CCDC85A: variants seen among roughly 807,000 people sequenced by gnomAD.
CCDC85A encodes coiled-coil domain containing 85A.
A neutral mutation model predicts 50.2 loss-of-function variants in CCDC85A; 38 were observed. The ratio of observed to expected loss-of-function variants is 0.76; its 90% CI spans 0.58 to 0.99. The LOEUF is 0.99. CCDC85A is among the 50% of genes least tolerant of loss of function. The probability of loss-of-function intolerance (pLI) is 0.00; values close to 1 mark genes in which losing one functional copy is unlikely to be tolerated. For synonymous variants in CCDC85A, 366 were observed against 301.4 expected (o/e 1.21, Z -2.22); for missense variants, 820 against 742.0 (o/e 1.11, Z -1.22).
intron 2 of CCDC85A, among the ~76,000 whole-genome samples, chr2:56,223,045 G>T (rs1221967636): frequency 1.3e-5 from 2 of 152,076 alleles, no homozygotes; most frequent in African/African-American, 4.8e-5. Context: ...CTATTGGTAG[G>T]ATATGAAAAA....
intron 1 of CCDC85A, among the ~76,000 whole-genome samples, chr2:56,188,205 T>G (rs1233506286): frequency 6.6e-6 from 1 of 152,230 alleles, no homozygotes; most frequent in Non-Finnish European, 1.5e-5. Context: ...TGAGGCAGAT[T>G]TGAAGAAGCT....
chr2:56,371,410 T>A (rs943366411), intron 3 of CCDC85A, among the ~76,000 whole-genome samples: 17 of 152,120 alleles, frequency 1.1e-4, no homozygotes, highest in Non-Finnish European at 1.6e-4. Flanking sequence ...TTGATGAGAA[T>A]TAAAATTTTA....
intron 1 of CCDC85A, among the ~76,000 whole-genome samples, chr2:56,185,122 G>A (rs1458718780): frequency 7.9e-6 from 1 of 126,164 alleles, no homozygotes; most frequent in Non-Finnish European, 1.8e-5. Flanking sequence ...CCACTGTCTG[G>A]CTGTTCGGGG....
chr2:56,375,921 G>T lies in CCDC85A; in HGVS notation c.1558G>T (p.Val520Leu), dbSNP rs1469807482. The change falls in exon 5 of 6, where the codon GTA (valine) becomes TTA (leucine). Residue 520 changes from valine (V) to leucine (L), a missense_variant. Physicochemically the swap from Val to Leu is conservative, Grantham distance 32. Coordinates refer to ENST00000407595, the MANE Select transcript of CCDC85A (RefSeq NM_001080433.2). ...ACCTTCCCAGCAGCCTGAACCTGTG[G>T]TACATTCTCTTAAGGTAACCAATCG... The part of the protein sequence containing the change: ...ATPSQQPEPV[V>L]HSLKVVWRKL... 1.9e-6 allele frequency: 3 copies of T among 1,613,454 alleles called. No individual in the cohort carries two copies. Among genetic ancestry groups the T allele is most frequent in the Non-Finnish European group, 2.5e-6 (3 of 1,179,720 alleles).
intron 2 of CCDC85A, among the ~76,000 whole-genome samples, chr2:56,264,565 G>T (rs986425088): frequency 6.6e-6 from 1 of 152,114 alleles, no homozygotes; most frequent in Non-Finnish European, 1.5e-5. Context: ...ACCATCATTT[G>T]TCTCCTGCAT....
At chr2:56,261,929 A>G (rs184692679) in intron 2 of CCDC85A, among the ~76,000 whole-genome samples, 2 of 152,270 alleles carry the variant, frequency 1.3e-5, no homozygotes, top group African/African-American at 2.4e-5. Flanking sequence ...CTCTTCCTCA[A>G]CCACCTTCTT....
At chr2:56,233,274 G>A (rs773998514) in intron 2 of CCDC85A, among the ~76,000 whole-genome samples, 3 of 138,598 alleles carry the variant, frequency 2.2e-5, no homozygotes, top group Non-Finnish European at 4.4e-5. Flanking sequence ...TACATAACAG[G>A]GGACTGAGGG....
At chr2:56,367,342 A>G (rs1335007846) in intron 3 of CCDC85A, among the ~76,000 whole-genome samples, 1 of 152,090 alleles carries the variant, frequency 6.6e-6, no homozygotes, top group Non-Finnish European at 1.5e-5. Context: ...CTGCCTTTAT[A>G]CTTAGACCAT....
chr2:56,362,659 C>G (rs770889060), intron 3 of CCDC85A, among the ~76,000 whole-genome samples: 4 of 152,014 alleles, frequency 2.6e-5, no homozygotes, highest in Non-Finnish European at 4.4e-5. Flanking sequence ...CGCTCTGTCA[C>G]CCAGGCTGGA....
At chr2:56,254,510 A>G (rs1259614060) in intron 2 of CCDC85A, among the ~76,000 whole-genome samples, 1 of 152,230 alleles carries the variant, frequency 6.6e-6, no homozygotes, top group Non-Finnish European at 1.5e-5. Flanking sequence ...TAGACATGGC[A>G]GAAACAAAAA....
intron 2 of CCDC85A, among the ~76,000 whole-genome samples, chr2:56,305,939 C>G (rs1672424205): frequency 6.6e-6 from 1 of 152,182 alleles, no homozygotes; most frequent in African/African-American, 2.4e-5. Flanking sequence ...TTTAATTGAA[C>G]TATAAATTCA....
chr2:56,318,359 T>C (rs1297393054), intron 2 of CCDC85A, among the ~76,000 whole-genome samples: 1 of 152,042 alleles, frequency 6.6e-6, no homozygotes, highest in Non-Finnish European at 1.5e-5. Context: ...GTGCATGAGC[T>C]GTTGCTTCAG....
intron 2 of CCDC85A, among the ~76,000 whole-genome samples, chr2:56,319,332 G>C (rs1304163996): frequency 1.3e-5 from 2 of 152,146 alleles, no homozygotes; most frequent in Non-Finnish European, 2.9e-5. Flanking sequence ...AACCCAGGCA[G>C]TCTAGCTCTC....
intron 2 of CCDC85A, among the ~76,000 whole-genome samples, chr2:56,230,466 G>A (rs1668728651): frequency 6.6e-6 from 1 of 152,108 alleles, no homozygotes; most frequent in African/African-American, 2.4e-5. Flanking sequence ...TTATTTTCCT[G>A]CTATTAGAAA....
rs988082306 is a variant in CCDC85A at position 56,184,316 on chromosome 2, G to T, written c.-309G>T. 3.1e-5 allele frequency: 19 copies of T among 622,598 alleles called. 1 individual carries two copies. Among genetic ancestry groups the T allele is most frequent in the South Asian group, 2.3e-4 (3 of 12,928 alleles). The allele number at this position is 622,598 out of a possible 1,614,324, so 38.6% of individuals were successfully genotyped here. ...GTGCAGCTCCCCCGCTGTCCCCGAG[G>T]ATTTCCCGCGGCAGCCCCGGGCTCC... is the stretch of plus-strand genomic sequence containing the variant. On this transcript the variant is annotated 5_prime_UTR_variant, in exon 1 of 6. Coordinates refer to ENST00000407595, the MANE Select transcript of CCDC85A (RefSeq NM_001080433.2).
At chr2:56,306,898 T>A (rs1409968717) in intron 2 of CCDC85A, among the ~76,000 whole-genome samples, 4 of 152,292 alleles carry the variant, frequency 2.6e-5, no homozygotes, top group South Asian at 2.1e-4. Flanking sequence ...ATTTTTTTTT[T>A]CTAGCTGTTA....
intron 2 of CCDC85A, among the ~76,000 whole-genome samples, chr2:56,247,230 G>C (rs1486150447): frequency 6.6e-6 from 1 of 152,160 alleles, no homozygotes; most frequent in African/African-American, 2.4e-5. Flanking sequence ...TCTTGATATT[G>C]GGTTGCAATG....
intron 2 of CCDC85A, among the ~76,000 whole-genome samples, chr2:56,288,363 A>T (rs1347832335): frequency 6.6e-6 from 1 of 152,006 alleles, no homozygotes. Context: ...TTCCCAAAGC[A>T]GAAAACCGGG....
intron 4 of CCDC85A, 40 bp downstream of exon 4, chr2:56,372,518 A>G: frequency 6.6e-6 from 10 of 1,524,080 alleles, no homozygotes; most frequent in Non-Finnish European, 8.0e-6. Context: ...TTGCTTGTGC[A>G]TAACCAGATG....
Sources: gnomAD v4.1 joint callset for allele counts (sites outside exome capture counted in the v4.1 genomes callset) on GRCh38, gnomAD v4.1.1 for gene constraint, MANE v1.5 for transcripts, NCBI Gene and HGNC (gene_info 2026-07-23, HGNC 2026-07-21) for gene names.